The following ZC3H18 variants were observed in gnomAD, a reference collection of about 807,000 sequenced individuals.
ZC3H18 encodes zinc finger CCCH-type containing 18, also known as zinc finger CCCH domain-containing protein 18.
A neutral mutation model predicts 106.1 loss-of-function variants in ZC3H18; 8 were observed. That is an observed-to-expected ratio of 0.08 (90% CI 0.04 to 0.14). ZC3H18 has a LOEUF of 0.14. Among genes scored for constraint, ZC3H18 ranks in the 10% least tolerant of loss-of-function variants. ZC3H18 has a pLI of 1.00. For missense variants in ZC3H18, 1,318 were observed against 1,278.4 expected (o/e 1.03, Z -0.47); for synonymous variants, 635 against 522.1 (o/e 1.22, Z -2.95).
intron 6 of ZC3H18, among the ~76,000 whole-genome samples, chr16:88,606,677 G>A (rs949510597): frequency 2.0e-5 from 3 of 152,130 alleles, no homozygotes; most frequent in East Asian, 1.9e-4. Context: ...CTTCCTCTTC[G>A]TTTTTATGTA....
chr16:88,588,874 GACTC>G (rs1915587444), intron 3 of ZC3H18, among the ~76,000 whole-genome samples: 1 of 151,784 alleles, frequency 6.6e-6, no homozygotes, highest in Non-Finnish European at 1.5e-5. Context: ...GCGACAGTGA[GACTC>G]AGTCTCTTGA....
chr16:88,585,398 G>C (rs970804099), intron 2 of ZC3H18, among the ~76,000 whole-genome samples: 28 of 152,212 alleles, frequency 1.8e-4, no homozygotes, highest in Non-Finnish European at 4.0e-4. Context: ...GATGCTGCCT[G>C]GGCCCAGCAA....
At chr16:88,591,632 TCC>T (rs1915757945) in intron 3 of ZC3H18, among the ~76,000 whole-genome samples, 1 of 152,188 alleles carries the variant, frequency 6.6e-6, no homozygotes, top group South Asian at 2.1e-4. Flanking sequence ...ATTGGGTGTT[TCC>T]CTCATCTGTG....
intron 3 of ZC3H18, chr16:88,587,486 G>T: frequency 6.9e-7 from 1 of 1,450,070 alleles, no homozygotes; most frequent in Non-Finnish European, 9.4e-7. Flanking sequence ...GACTGTCACT[G>T]CCAGCCTGTG....
chr16:88,614,737 T>C (rs953122298), intron 8 of ZC3H18, among the ~76,000 whole-genome samples: 6 of 152,250 alleles, frequency 3.9e-5, no homozygotes, highest in African/African-American at 1.4e-4. Context: ...GTCATTGACC[T>C]TGACATTGTG....
intron 8 of ZC3H18, among the ~76,000 whole-genome samples, chr16:88,616,461 G>A (rs886429666): frequency 6.6e-6 from 1 of 152,196 alleles, no homozygotes; most frequent in Admixed American, 6.5e-5. Context: ...TCATTCAGCC[G>A]GCTTCCGGGT....
In ZC3H18 at chr16:88,599,780, T is replaced by TA. The variant is rs753609801; in HGVS notation, c.931-10dup. On this transcript the variant is annotated splice_polypyrimidine_tract_variant and intron_variant, in intron 5 of 17. Transcript: ENST00000301011. ...TGTTCCATGTTGACTTCTTTCTTCT[T>TA]ACAATGGTAGGTTTTAAAAAAAGCA... 3.7e-6 allele frequency: 6 copies of TA among 1,602,504 alleles called. No homozygotes were observed. The Admixed American group carries it at 8.8e-5, about 24-fold the overall frequency.
At chr16:88,618,123 G>T (rs374760067) in intron 8 of ZC3H18, among the ~76,000 whole-genome samples, 1 of 152,182 alleles carries the variant, frequency 6.6e-6, no homozygotes, top group Non-Finnish European at 1.5e-5. Context: ...GAGTGAGGCC[G>T]CCTGGCCTTC....
At position 88,596,576 on chromosome 16, in the gene ZC3H18, G is replaced by T. The variant is rs866936007; in HGVS notation, c.689-1602G>T. On this transcript the variant is annotated intron_variant, in intron 3 of 17. Coordinates refer to ENST00000301011, the MANE Select transcript of ZC3H18 (RefSeq NM_144604.4). Reference sequence around the variant, plus strand: ...AATCACTGACACCCAGGAGGTGGAGGTTGCAGTGAGCCGAGATTGCATCAT... The same window carrying T: ...AATCACTGACACCCAGGAGGTGGAGTTTGCAGTGAGCCGAGATTGCATCAT... 6.6e-5 allele frequency among the ~76,000 whole-genome samples: 10 copies of T among 152,248 alleles called. No homozygotes were observed. In the Middle Eastern group the frequency reaches 0.01, roughly 155 times the overall value.
rs1041592284 is a variant in ZC3H18 at position 88,577,504 on chromosome 16, G to A, written c.381G>A (p.Glu127=). The A allele has an allele frequency of 1.2e-6, 2 of 1,613,086 alleles. No homozygotes were observed. The highest frequency in any genetic ancestry group is 1.3e-5 in the African/African-American group (1 of 75,026). ...TCACCAGGGAGCTGGATGAGCATGAGCTAGACTACGATGAGGAGGTTCCTG... is the reference window on the plus strand; with the variant it reads ...TCACCAGGGAGCTGGATGAGCATGAACTAGACTACGATGAGGAGGTTCCTG... ...SSVTRELDEH[E]LDYDEEVPEE... The change falls in exon 2 of 18, where the codon GAG becomes GAA. Residue 127 remains glutamate, a synonymous_variant. Transcript: ENST00000301011.
At chr16:88,598,794 C>G in intron 5 of ZC3H18, 82 bp downstream of exon 5, 4 of 1,255,984 alleles carry the variant, frequency 3.2e-6, no homozygotes, top group Middle Eastern at 2.0e-4. Flanking sequence ...TTTCCTCGGT[C>G]CAGAGAGAGC....
intron 6 of ZC3H18, among the ~76,000 whole-genome samples, chr16:88,603,410 C>G (rs1904850545): frequency 6.6e-6 from 1 of 151,450 alleles, no homozygotes; most frequent in Non-Finnish European, 1.5e-5. Flanking sequence ...TGCCTGAGCT[C>G]AAGAGTTTGA....
chr16:88,616,582 C>G (rs960951556), intron 8 of ZC3H18, among the ~76,000 whole-genome samples: 11 of 152,210 alleles, frequency 7.2e-5, no homozygotes, highest in Non-Finnish European at 1.5e-4. Context: ...AGCCAGTGCT[C>G]CTGCTTCCTT....
rs759525532 is a variant in ZC3H18, at chr16:88,611,307, G to A, written c.1246G>A (p.Glu416Lys). ...GCGAGAGAGAGAGAACAGACAGCGCGAGCGCGAGCGGGAGCGGGAGCGGGA... is the reference window on the plus strand; with the variant it reads ...GCGAGAGAGAGAGAACAGACAGCGCAAGCGCGAGCGGGAGCGGGAGCGGGA... The part of the protein sequence containing the change: ...RERERENRQR[E>K]RERERERDRE... The change falls in exon 8 of 18, where the codon GAG becomes AAG. Residue 416 changes from glutamate (E) to lysine (K), a missense_variant. This residue lies in a region of ZC3H18 where 848 missense variants were observed against 821.7 expected (regional missense o/e 1.03). Transcript: ENST00000301011. 9 of 760,884 alleles carry A rather than the reference G, an allele frequency of 1.2e-5. No individual in the cohort carries two copies. Among genetic ancestry groups the A allele is most frequent in the East Asian group, 5.1e-5 (2 of 39,586 alleles). The allele number at this position is 760,884 out of a possible 1,614,324, so 47.1% of individuals were successfully genotyped here. A position where few individuals can be genotyped will look rare whatever the true frequency, so the allele number is the denominator to read the frequency against.
At chr16:88,589,571 C>G (rs1915623009) in intron 3 of ZC3H18, among the ~76,000 whole-genome samples, 1 of 152,192 alleles carries the variant, frequency 6.6e-6, no homozygotes. Flanking sequence ...CACAGGTCCA[C>G]AGAGACAGAA....
chr16:88,595,474 C>CTTT (rs11302563), intron 3 of ZC3H18, among the ~76,000 whole-genome samples: 16 of 133,564 alleles, frequency 1.2e-4, no homozygotes, highest in East Asian at 2.2e-4. Flanking sequence ...TTCTTTCTTT[C>CTTT]TTTTTTTTTT....
chr16:88,586,808 G>T (rs1359295142), intron 3 of ZC3H18, 124 bp downstream of exon 3: 1 of 321,388 alleles, frequency 3.1e-6, no homozygotes, highest in African/African-American at 2.7e-5. Flanking sequence ...TTACTGGCTA[G>T]GTGGTGGTGG....
At position 88,600,962 on chromosome 16, in the gene ZC3H18, AT is replaced by A. The variant is rs1161158735; in HGVS notation, c.1088+1017del. On this transcript the variant is annotated intron_variant, in intron 6 of 17. Transcript: ENST00000301011. ...CTATTAGGGAATCATAATCACTATG[AT>A]TTCTATCTGGAGTGACAATAAACGG... Among the ~76,000 whole-genome samples, 6 of 152,190 alleles carry A rather than the reference AT, an allele frequency of 3.9e-5. No homozygotes were observed. The East Asian group carries it at 1.2e-3, about 29-fold the overall frequency.
chr16:88,624,687 C>T lies in ZC3H18; in HGVS notation c.1984C>T (p.Pro662Ser). The change falls in exon 12 of 18, where the codon CCA (proline) becomes TCA (serine). Residue 662 changes from proline (P) to serine (S), a missense_variant. Physicochemically the swap from Pro to Ser is moderately conservative, Grantham distance 74 (BLOSUM62 -1). Coordinates refer to ENST00000301011, the MANE Select transcript of ZC3H18 (RefSeq NM_144604.4). ...TGCTCCTGTCCCCGAGCCCACCAAG[C>T]CAGGAGACCCTCGGGAAGCCAGGAG... ...TTAPVPEPTK[P>S]GDPREARRKE... 6.2e-7 allele frequency: 1 copy of T among 1,612,952 alleles called. No homozygotes were observed. Among genetic ancestry groups the T allele is most frequent in the Non-Finnish European group, 8.5e-7 (1 of 1,179,528 alleles).
Sources: gnomAD v4.1 joint callset for allele counts (sites outside exome capture counted in the v4.1 genomes callset) on GRCh38, gnomAD v4.1.1 for gene constraint, gnomAD v4.1.1 regional missense constraint, MANE v1.5 for transcripts, NCBI Gene and HGNC (gene_info 2026-07-23, HGNC 2026-07-21) for gene names.